The following NRBF2 variants were observed in gnomAD, a reference collection of about 807,000 sequenced individuals.
NRBF2 encodes the protein nuclear receptor-binding factor 2.
In NRBF2, 12 loss-of-function variants were observed where a neutral mutation model predicts 28.5. The ratio of observed to expected loss-of-function variants is 0.42; its 90% CI spans 0.27 to 0.68. The LOEUF is 0.68. Among genes scored for constraint, NRBF2 ranks in the 30% least tolerant of loss-of-function variants. NRBF2 has a pLI of 0.24. For synonymous variants in NRBF2, 102 were observed against 116.5 expected (o/e 0.88, Z 0.80); for missense variants, 274 against 333.5 (o/e 0.82, Z 1.39).
At chr10:63,142,464 C>T (rs1019662724) in intron 1 of NRBF2, among the ~76,000 whole-genome samples, 2 of 151,796 alleles carry the variant, frequency 1.3e-5, no homozygotes, top group African/African-American at 4.8e-5. Context: ...CCACCATGCC[C>T]GGCCTTTTAG....
intron 2 of NRBF2, 149 bp from the exon 3 acceptor site, chr10:63,152,001 A>G: frequency 2.0e-6 from 1 of 502,704 alleles, no homozygotes; most frequent in Non-Finnish European, 3.6e-6. Context: ...TTTTGGGGGA[A>G]GTTAAGAATT....
At chr10:63,150,271 T>C in intron 2 of NRBF2, 2 of 564,934 alleles carry the variant, frequency 3.5e-6, no homozygotes, top group Non-Finnish European at 4.5e-6. Flanking sequence ...GATTTAAACA[T>C]GAACAAAAGG....
intron 1 of NRBF2, among the ~76,000 whole-genome samples, chr10:63,140,702 TTAC>T (rs1841451048): frequency 6.8e-6 from 1 of 147,552 alleles, no homozygotes; most frequent in Non-Finnish European, 1.5e-5. Flanking sequence ...GCCCAGCCTA[TTAC>T]TTTTTTTTTT....
chr10:63,134,882 C>A (rs1268915526), intron 1 of NRBF2, among the ~76,000 whole-genome samples: 1 of 152,108 alleles, frequency 6.6e-6, no homozygotes, highest in Non-Finnish European at 1.5e-5. Flanking sequence ...ACTACATTTG[C>A]GAGTTTTTTT....
At chr10:63,140,614 A>C (rs182784408) in intron 1 of NRBF2, among the ~76,000 whole-genome samples, 2 of 151,462 alleles carry the variant, frequency 1.3e-5, no homozygotes, top group Non-Finnish European at 2.9e-5. Flanking sequence ...GGGTCTCACT[A>C]TGTTGCCTAT....
intron 1 of NRBF2, among the ~76,000 whole-genome samples, chr10:63,139,044 C>G (rs753469057): frequency 1.9e-4 from 29 of 152,114 alleles, no homozygotes; most frequent in Non-Finnish European, 4.0e-4. Flanking sequence ...GAGTATCACT[C>G]TGTTGCCCAG....
intron 1 of NRBF2, among the ~76,000 whole-genome samples, chr10:63,138,133 G>A (rs1841402206): frequency 6.6e-6 from 1 of 151,676 alleles, no homozygotes; most frequent in African/African-American, 2.4e-5. Context: ...TGGCCAACAA[G>A]ATGAAACCCT....
chr10:63,154,258 C>A lies in NRBF2; in HGVS notation c.*40C>A. ...GAAAAGGGGAAAAGAGGAAATAATA[C>A]AGTAATCGTTAATCCAGCAAAAAGA... is the stretch of plus-strand genomic sequence containing the variant. On this transcript the variant is annotated 3_prime_UTR_variant, in exon 4 of 4. Coordinates refer to ENST00000277746, the MANE Select transcript of NRBF2 (RefSeq NM_030759.5). The A allele has an allele frequency of 9.5e-7, 1 of 1,050,226 alleles. No homozygotes were observed. Among genetic ancestry groups the A allele is most frequent in the Non-Finnish European group, 1.4e-6 (1 of 710,526 alleles). The allele number at this position is 1,050,226 out of a possible 1,614,324, so 65.1% of individuals were successfully genotyped here.
At chr10:63,141,411 G>T (rs1841464623) in intron 1 of NRBF2, among the ~76,000 whole-genome samples, 1 of 152,170 alleles carries the variant, frequency 6.6e-6, no homozygotes, top group South Asian at 2.1e-4. Context: ...ACTCCAGCCT[G>T]GGCAACAGAG....
At chr10:63,145,630 T>G (rs1052088252) in intron 1 of NRBF2, among the ~76,000 whole-genome samples, 2 of 152,248 alleles carry the variant, frequency 1.3e-5, no homozygotes, top group Non-Finnish European at 2.9e-5. Context: ...GTTCTTTTGA[T>G]GAGATATCTT....
chr10:63,135,942 C>T (rs1032540959), intron 1 of NRBF2, among the ~76,000 whole-genome samples: 2 of 152,128 alleles, frequency 1.3e-5, no homozygotes, highest in Non-Finnish European at 2.9e-5. Context: ...GCGTGCCCGG[C>T]GGACACCTTG....
At chr10:63,150,448 C>T (rs1300927161) in intron 2 of NRBF2, 40 of 727,818 alleles carry the variant, frequency 5.5e-5, no homozygotes, top group Admixed American at 1.9e-4. Context: ...TACAGGGTCC[C>T]GCTATGTTAC....
In NRBF2 at chr10:63,154,907, A is replaced by G. The variant is rs1841710986; in HGVS notation, c.*689A>G. On this transcript the variant is annotated 3_prime_UTR_variant, in exon 4 of 4. Coordinates refer to ENST00000277746, the MANE Select transcript of NRBF2 (RefSeq NM_030759.5). Reference sequence around the variant, plus strand: ...AAGTTCTAACTTCGTTTATTGTATAATGCATCATTTGAAAATACCAAGGAG... The same window carrying G: ...AAGTTCTAACTTCGTTTATTGTATAGTGCATCATTTGAAAATACCAAGGAG... 1 of 152,640 alleles carries G rather than the reference A, an allele frequency of 6.6e-6. No individual in the cohort carries two copies. The highest frequency in any genetic ancestry group is 2.1e-4 in the South Asian group (1 of 4,834). The allele number at this position is 152,640 out of a possible 1,614,324, so 9.5% of individuals were successfully genotyped here. A position where few individuals can be genotyped will look rare whatever the true frequency, so the allele number is the denominator to read the frequency against.
intron 1 of NRBF2, among the ~76,000 whole-genome samples, chr10:63,138,062 G>A (rs952105988): frequency 2.6e-5 from 4 of 152,158 alleles, no homozygotes; most frequent in Non-Finnish European, 4.4e-5. Flanking sequence ...GGGCACAGTG[G>A]CTCATGCCTG....
intron 2 of NRBF2, among the ~76,000 whole-genome samples, chr10:63,151,844 G>A (rs1465586518): frequency 6.6e-6 from 1 of 152,112 alleles, no homozygotes; most frequent in African/African-American, 2.4e-5. Flanking sequence ...GTTTGGATAG[G>A]TTCTTGTTTG....
At chr10:63,135,965 A>G (rs1841371181) in intron 1 of NRBF2, among the ~76,000 whole-genome samples, 1 of 152,084 alleles carries the variant, frequency 6.6e-6, no homozygotes, top group African/African-American at 2.4e-5. Context: ...TTCTTAAACC[A>G]TTTGAGTCTT....
Position 63,133,400 on chromosome 10 carries a change from C to A in NRBF2, c.-71C>A, listed in dbSNP as rs1564527482. 2 of 1,592,820 alleles carry A rather than the reference C, an allele frequency of 1.3e-6. No individual in the cohort carries two copies. Among genetic ancestry groups the A allele is most frequent in the South Asian group, 2.2e-5 (2 of 89,510 alleles). On this transcript the variant is annotated 5_prime_UTR_variant, in exon 1 of 4. Coordinates refer to ENST00000277746, the MANE Select transcript of NRBF2 (RefSeq NM_030759.5). ...CAGTCTCCGCGGCTGCGTCGAGCTC[C>A]CTTGCAGTCCCCTCCATGTTCCCCG...
intron 3 of NRBF2, among the ~76,000 whole-genome samples, chr10:63,153,151 C>A (rs1293223736): frequency 6.6e-6 from 1 of 152,148 alleles, no homozygotes; most frequent in African/African-American, 2.4e-5. Context: ...CCTTTCACTG[C>A]CTTTGAAAGT....
At chr10:63,148,582 G>T (rs186332112) in intron 2 of NRBF2, among the ~76,000 whole-genome samples, 2 of 152,234 alleles carry the variant, frequency 1.3e-5, no homozygotes, top group South Asian at 2.1e-4. Flanking sequence ...GAGGGGACCT[G>T]GGTGTCCACC....
Sources: gnomAD v4.1 joint callset for allele counts (sites outside exome capture counted in the v4.1 genomes callset) on GRCh38, gnomAD v4.1.1 for gene constraint, MANE v1.5 for transcripts, NCBI Gene and HGNC (gene_info 2026-07-23, HGNC 2026-07-21) for gene names.